Variants in EHBP1 observed in about 807,000 individuals in gnomAD.
EHBP1 encodes the protein EH domain-binding protein 1.
Under a neutral mutation model 144.0 loss-of-function variants are expected in EHBP1, and 55 were observed. The observed-to-expected ratio is 0.38, with a 90% CI of 0.31 to 0.48. The LOEUF (loss-of-function observed/expected upper bound fraction) is 0.48. Among genes scored for constraint, EHBP1 ranks in the 20% least tolerant of loss-of-function variants. EHBP1 has a pLI of 0.98. For synonymous variants in EHBP1, 469 were observed against 472.7 expected, an observed-to-expected ratio of 0.99 and a Z score of 0.10; for missense variants, 1,200 against 1,364.2, an observed-to-expected ratio of 0.88 and a Z score of 1.90.
chr2:63,000,331 A>G (rs906163577), intron 19 of EHBP1, among the ~76,000 whole-genome samples: 1 of 151,924 alleles, frequency 6.6e-6, no homozygotes, highest in Non-Finnish European at 1.5e-5. Flanking sequence ...AGTAATCCTA[A>G]ATCAGTGATA....
intron 9 of EHBP1, among the ~76,000 whole-genome samples, chr2:62,872,866 G>A (rs951020827): frequency 6.6e-6 from 1 of 152,114 alleles, no homozygotes; most frequent in Admixed American, 6.5e-5. Context: ...TTCTTGAAAA[G>A]TAGGGAATTG....
intron 3 of EHBP1, among the ~76,000 whole-genome samples, chr2:62,751,287 T>G (rs1182396726): frequency 1.3e-5 from 2 of 152,236 alleles, no homozygotes; most frequent in Non-Finnish European, 2.9e-5. Context: ...GGATTACATT[T>G]ATTGATTTTC....
intron 14 of EHBP1, among the ~76,000 whole-genome samples, chr2:62,962,353 C>T (rs1326998068): frequency 2.6e-5 from 4 of 152,126 alleles, no homozygotes; most frequent in Non-Finnish European, 5.9e-5. Context: ...AAAATAAAAG[C>T]TAATCTGTTT....
chr2:62,758,011 C>CAAAA (rs879511679), intron 3 of EHBP1, among the ~76,000 whole-genome samples: 1 of 87,562 alleles, frequency 1.1e-5, no homozygotes, highest in Non-Finnish European at 2.5e-5. Context: ...GACTCTGTCT[C>CAAAA]AAAAAAAAAA....
intron 3 of EHBP1, among the ~76,000 whole-genome samples, chr2:62,761,698 A>G (rs547955742): frequency 6.6e-6 from 1 of 152,262 alleles, no homozygotes; most frequent in African/African-American, 2.4e-5. Flanking sequence ...TCCAGGAAGG[A>G]TCAATCTGTC....
chr2:62,834,716 G>C (rs760175944), intron 7 of EHBP1, among the ~76,000 whole-genome samples: 3 of 152,174 alleles, frequency 2.0e-5, no homozygotes, highest in African/African-American at 7.2e-5. Context: ...GTTGAGGCTG[G>C]AACAGCATGG....
chr2:63,011,730 T>G (rs2060277926), intron 19 of EHBP1, among the ~76,000 whole-genome samples: 1 of 151,994 alleles, frequency 6.6e-6, no homozygotes, highest in African/African-American at 2.4e-5. Context: ...AAAGCTGGAC[T>G]TAAACATTCC....
rs1195591668 is a variant in EHBP1 at position 62,993,687 on chromosome 2, T to C, written c.2872+19T>C. 4 of 1,503,464 alleles carry C rather than the reference T, an allele frequency of 2.7e-6. No individual in the cohort carries two copies. 93.1% of individuals were successfully genotyped at this position (1,503,464 alleles called of 1,614,324 possible). On this transcript the variant is annotated intron_variant, in intron 17 of 22. Transcript: ENST00000431489. ...AGACCAGGTAGAACACTTTTTAAAA[T>C]GTTTTTCCATGTTATGGTTTAACTA...
intron 1 of EHBP1, among the ~76,000 whole-genome samples, chr2:62,683,255 C>A (rs543288262): frequency 5.9e-5 from 9 of 152,290 alleles, no homozygotes; most frequent in Middle Eastern, 3.4e-3. Flanking sequence ...AATTTCAAGT[C>A]AAACAGAGAC....
At chr2:63,020,204 AT>A (rs1039950954) in intron 19 of EHBP1, among the ~76,000 whole-genome samples, 3 of 151,570 alleles carry the variant, frequency 2.0e-5, no homozygotes, top group Non-Finnish European at 2.9e-5. Context: ...GGTGCCTGTA[AT>A]CCCAGCTACT....
intron 7 of EHBP1, among the ~76,000 whole-genome samples, chr2:62,845,550 C>T (rs922393640): frequency 3.3e-5 from 5 of 152,062 alleles, no homozygotes; most frequent in African/African-American, 1.2e-4. Flanking sequence ...AGGTATCCCA[C>T]CTTTTATTAG....
At chr2:62,826,478 A>G in intron 6 of EHBP1, 1 of 415,612 alleles carries the variant, frequency 2.4e-6, no homozygotes, top group Non-Finnish European at 4.2e-6. Flanking sequence ...AAACGTGAGC[A>G]CAGCTGGTTT....
intron 13 of EHBP1, among the ~76,000 whole-genome samples, chr2:62,949,435 A>G (rs1227266700): frequency 6.6e-6 from 1 of 152,134 alleles, no homozygotes; most frequent in African/African-American, 2.4e-5. Flanking sequence ...TACCTGCTGT[A>G]TATTTAAGGT....
chr2:62,914,208 T>G (rs2054436103), intron 10 of EHBP1, among the ~76,000 whole-genome samples: 1 of 152,116 alleles, frequency 6.6e-6, no homozygotes, highest in Non-Finnish European at 1.5e-5. Flanking sequence ...TATGCCCTGG[T>G]CAGTGTATCC....
chr2:62,695,631 A>G (rs1259619515), intron 1 of EHBP1, among the ~76,000 whole-genome samples: 1 of 152,228 alleles, frequency 6.6e-6, no homozygotes, highest in Non-Finnish European at 1.5e-5. Context: ...TTAGATAGCG[A>G]GAGAACATTT....
rs1480951914 is a variant in EHBP1 at position 62,729,332 on chromosome 2, T to C, written c.105-18063T>C. ...ATAATATAATATTTATAATATAATA[T>C]AATATATATAATATATATAATAATA... On this transcript the variant is annotated intron_variant, in intron 2 of 22. Coordinates refer to ENST00000431489, the MANE Select transcript of EHBP1 (RefSeq NM_001142616.3). Among the ~76,000 whole-genome samples the C allele has an allele frequency of 2.4e-5, 3 of 124,826 alleles. No individual in the cohort carries two copies. In the East Asian group the frequency reaches 6.2e-4, roughly 26 times the overall value. The allele number at this position is 124,826 out of a possible 152,430, so 81.9% of individuals were successfully genotyped here. A position where few individuals can be genotyped will look rare whatever the true frequency, so the allele number is the denominator to read the frequency against.
At chr2:62,792,084 TA>T (rs568333416) in intron 5 of EHBP1, among the ~76,000 whole-genome samples, 30 of 152,188 alleles carry the variant, frequency 2.0e-4, no homozygotes, top group Non-Finnish European at 4.0e-4. Context: ...ATATATAGGT[TA>T]AACTTGGATT....
chr2:62,829,387 G>C (rs1195291096), intron 6 of EHBP1, among the ~76,000 whole-genome samples: 1 of 151,638 alleles, frequency 6.6e-6, no homozygotes, highest in Non-Finnish European at 1.5e-5. Flanking sequence ...AGTCTCCAAA[G>C]TCCATTATAT....
At chr2:63,008,803 T>A (rs1432176709) in intron 19 of EHBP1, among the ~76,000 whole-genome samples, 1 of 151,668 alleles carries the variant, frequency 6.6e-6, no homozygotes, top group African/African-American at 2.4e-5. Context: ...CAATTGCATA[T>A]GCAGATAATA....
Sources: allele counts gnomAD v4.1 joint callset (sites outside exome capture counted in the v4.1 genomes callset), GRCh38; gene constraint gnomAD v4.1.1; transcripts MANE v1.5; gene names NCBI Gene and HGNC (gene_info 2026-07-23, HGNC 2026-07-21).